Variants in STXBP5L observed in about 807,000 individuals in gnomAD.
STXBP5L encodes the protein syntaxin binding protein 5L.
Under a neutral mutation model 144.5 loss-of-function variants are expected in STXBP5L, and 65 were observed. The observed-to-expected ratio is 0.45, with a 90% CI of 0.37 to 0.55. The LOEUF (loss-of-function observed/expected upper bound fraction) is 0.55. Among genes scored for constraint, STXBP5L ranks in the 20% least tolerant of loss-of-function variants. STXBP5L has a pLI of 0.00. For synonymous variants in STXBP5L, 505 were observed against 469.6 expected, an observed-to-expected ratio of 1.08 and a Z score of -0.97; for missense variants, 1,298 against 1,405.5, an observed-to-expected ratio of 0.92 and a Z score of 1.22.
chr3:121,266,026 C>T (rs971920524), intron 18 of STXBP5L, among the ~76,000 whole-genome samples: 1 of 152,090 alleles, frequency 6.6e-6, no homozygotes, highest in Non-Finnish European at 1.5e-5. Flanking sequence ...CAGGTGGATT[C>T]ACAGCCGAAT....
intron 20 of STXBP5L, among the ~76,000 whole-genome samples, chr3:121,343,527 G>A (rs2044818969): frequency 6.6e-6 from 1 of 152,064 alleles, no homozygotes; most frequent in Non-Finnish European, 1.5e-5. Context: ...ATCTCCTTAA[G>A]CTGATAAGCA....
At position 121,125,290 on chromosome 3, in the gene STXBP5L, G is replaced by A. The variant is rs547889297; in HGVS notation, c.669+3586G>A. ...TCAAGACCAGCCTGGCCAACATGGT[G>A]GAACCCTGTCTCTACCAAAAACACA... On this transcript the variant is annotated intron_variant, in intron 7 of 26. Transcript: ENST00000471454. 1.4e-4 allele frequency among the ~76,000 whole-genome samples: 21 copies of A among 152,158 alleles called. No homozygotes were observed. The East Asian group carries it at 3.9e-3, about 28-fold the overall frequency.
intron 25 of STXBP5L, 117 bp from the exon 26 acceptor site, chr3:121,418,220 C>G (rs2047283386): frequency 8.3e-7 from 1 of 1,199,358 alleles, no homozygotes; most frequent in Non-Finnish European, 1.2e-6. Context: ...AAATAAGACT[C>G]TCTTTTAATG....
In STXBP5L at chr3:121,420,948, T is replaced by A. The variant is rs890060503; in HGVS notation, c.*1851T>A. 1 of 152,180 alleles carries A rather than the reference T, an allele frequency of 6.6e-6. No individual in the cohort carries two copies. The highest frequency in any genetic ancestry group is 1.5e-5 in the Non-Finnish European group (1 of 68,000). The allele number at this position is 152,180 out of a possible 1,614,324, so 9.4% of individuals were successfully genotyped here. A position where few individuals can be genotyped will look rare whatever the true frequency, so the allele number is the denominator to read the frequency against. ...AGCATTTCTCAGAGTCCTTGAATCC[T>A]CTTGTTAAGAAAGCCTCTCTGAATC... On this transcript the variant is annotated 3_prime_UTR_variant, in exon 27 of 27. Coordinates refer to ENST00000471454, the MANE Select transcript of STXBP5L (RefSeq NM_001308330.2).
intron 20 of STXBP5L, among the ~76,000 whole-genome samples, chr3:121,351,003 G>A (rs1484151504): frequency 6.6e-6 from 1 of 152,142 alleles, no homozygotes; most frequent in Non-Finnish European, 1.5e-5. Context: ...TGCTGGTGAG[G>A]AGCTACGTTC....
intron 2 of STXBP5L, among the ~76,000 whole-genome samples, chr3:120,924,106 A>G (rs1709490479): frequency 6.6e-6 from 1 of 152,134 alleles, no homozygotes; most frequent in Non-Finnish European, 1.5e-5. Flanking sequence ...ATTCTCATGG[A>G]CAAGCTTATT....
chr3:120,986,760 C>G (rs1388736708), intron 3 of STXBP5L, among the ~76,000 whole-genome samples: 2 of 150,848 alleles, frequency 1.3e-5, no homozygotes, highest in African/African-American at 4.9e-5. Context: ...AAATAGCAAA[C>G]AAAAAAATAG....
chr3:121,139,279 TG>T (rs1175763974), intron 7 of STXBP5L, among the ~76,000 whole-genome samples: 2 of 152,246 alleles, frequency 1.3e-5, no homozygotes, highest in African/African-American at 4.8e-5. Flanking sequence ...TTTAAGGTGA[TG>T]GATATGCTAA....
chr3:121,123,724 G>A (rs2044578729), intron 7 of STXBP5L, among the ~76,000 whole-genome samples: 2 of 151,740 alleles, frequency 1.3e-5, no homozygotes, highest in African/African-American at 4.8e-5. Flanking sequence ...TAAAAGGACT[G>A]CAAAATAAAT....
At chr3:121,085,955 C>A (rs1473990561) in intron 5 of STXBP5L, among the ~76,000 whole-genome samples, 1 of 152,156 alleles carries the variant, frequency 6.6e-6, no homozygotes, top group Non-Finnish European at 1.5e-5. Context: ...CAACATGGTA[C>A]TGGTACCAAA....
intron 20 of STXBP5L, among the ~76,000 whole-genome samples, chr3:121,338,359 G>T (rs12108107): frequency 0.48 from 73,153 of 151,774 alleles, 18,165 homozygotes; most frequent in East Asian, 0.73. Context: ...AATGAAAATG[G>T]ATGGCCAGGT....
intron 7 of STXBP5L, among the ~76,000 whole-genome samples, chr3:121,134,271 C>G (rs1341917110): frequency 2.0e-5 from 3 of 152,070 alleles, no homozygotes; most frequent in Non-Finnish European, 2.9e-5. Flanking sequence ...TTCTCTTATA[C>G]AGCCACTAGT....
intron 7 of STXBP5L, among the ~76,000 whole-genome samples, chr3:121,133,606 A>C (rs2045101586): frequency 6.6e-6 from 1 of 152,220 alleles, no homozygotes; most frequent in African/African-American, 2.4e-5. Flanking sequence ...TACCACCACT[A>C]GATTTGACTC....
intron 20 of STXBP5L, among the ~76,000 whole-genome samples, chr3:121,358,663 A>G (rs2045608599): frequency 6.6e-6 from 1 of 152,152 alleles, no homozygotes; most frequent in Admixed American, 6.5e-5. Context: ...ACAGAGCCAA[A>G]CCATATAAGC....
chr3:120,909,695 G>C lies in STXBP5L; in HGVS notation c.117G>C (p.Pro39=). 6.2e-7 allele frequency: 1 copy of C among 1,612,480 alleles called. No individual in the cohort carries two copies. The highest frequency in any genetic ancestry group is 8.5e-7 in the Non-Finnish European group (1 of 1,179,590). Residue 39 remains proline, a synonymous_variant, in exon 2 of 27, where the codon CCG becomes CCC. Transcript: ENST00000471454. The part of the protein sequence containing the change: ...GGGAGSGSVH[P]AGTAGVLREE... ...GGGCTGGAAGTGGTTCCGTACATCCGGCGGGGACTGCAGGGGTTCTCAGAG... is the reference window on the plus strand; with the variant it reads ...GGGCTGGAAGTGGTTCCGTACATCCCGCGGGGACTGCAGGGGTTCTCAGAG...
chr3:121,065,872 T>C (rs1417843105), intron 5 of STXBP5L, among the ~76,000 whole-genome samples: 1 of 152,218 alleles, frequency 6.6e-6, no homozygotes, highest in Non-Finnish European at 1.5e-5. Context: ...TTCATATCCC[T>C]TGCATGTTGT....
At chr3:121,089,201 T>G (rs1013228672) in intron 5 of STXBP5L, among the ~76,000 whole-genome samples, 33 of 151,342 alleles carry the variant, frequency 2.2e-4, no homozygotes, top group Admixed American at 2.2e-3. Context: ...TACTGTCTCT[T>G]TTTTCCCATA....
At chr3:121,114,493 A>T (rs2044146198) in intron 5 of STXBP5L, among the ~76,000 whole-genome samples, 1 of 152,158 alleles carries the variant, frequency 6.6e-6, no homozygotes, top group South Asian at 2.1e-4. Flanking sequence ...CATGTATTTG[A>T]AGCAAATATG....
intron 20 of STXBP5L, among the ~76,000 whole-genome samples, chr3:121,350,234 A>C (rs1283732460): frequency 6.6e-6 from 1 of 152,074 alleles, no homozygotes; most frequent in Non-Finnish European, 1.5e-5. Flanking sequence ...GTTTGGCTGG[A>C]TATGAAGTTC....
Sources: gnomAD v4.1 joint callset for allele counts (sites outside exome capture counted in the v4.1 genomes callset) on GRCh38, gnomAD v4.1.1 for gene constraint, MANE v1.5 for transcripts, NCBI Gene and HGNC (gene_info 2026-07-23, HGNC 2026-07-21) for gene names.